Variants in ATG2B observed in about 807,000 individuals in gnomAD.
ATG2B encodes autophagy related 2B, also known as autophagy-related protein 2 homolog B.
A neutral mutation model predicts 241.3 loss-of-function variants in ATG2B; 121 were observed. The observed-to-expected ratio is 0.50, with a 90% CI of 0.43 to 0.58. The LOEUF is 0.58. ATG2B is among the 20% of genes least tolerant of loss of function. ATG2B has a pLI of 0.00. For missense variants in ATG2B, 2,306 were observed against 2,491.6 expected, an observed-to-expected ratio of 0.93 and a Z score of 1.59; for synonymous variants, 858 against 876.6, an observed-to-expected ratio of 0.98 and a Z score of 0.37.
chr14:96,301,044 G>C (rs1034917899), intron 34 of ATG2B, among the ~76,000 whole-genome samples: 3 of 152,142 alleles, frequency 2.0e-5, no homozygotes, highest in African/African-American at 4.8e-5. Flanking sequence ...TGTCAAGAAG[G>C]TTTTGTTATT....
At chr14:96,294,428 G>T (rs900624977) in intron 36 of ATG2B, among the ~76,000 whole-genome samples, 5 of 152,184 alleles carry the variant, frequency 3.3e-5, no homozygotes, top group African/African-American at 1.2e-4. Flanking sequence ...CGAGCTGGCC[G>T]AGCCGTTGGG....
At chr14:96,335,372 A>C (rs1277631576) in intron 6 of ATG2B, among the ~76,000 whole-genome samples, 1 of 152,194 alleles carries the variant, frequency 6.6e-6, no homozygotes, top group Non-Finnish European at 1.5e-5. Flanking sequence ...CAAAACAAAC[A>C]AAAAATCAAA....
intron 30 of ATG2B, 137 bp from the exon 31 acceptor site, chr14:96,305,952 G>A (rs370472282): frequency 3.9e-5 from 26 of 664,518 alleles, no homozygotes; most frequent in East Asian, 1.6e-4. Context: ...GATGGTTACC[G>A]ACATTAGTCA....
rs572957724 is a variant in ATG2B at position 96,337,549 on chromosome 14, A to C, written c.925-3048T>G. Reference sequence around the variant, plus strand: ...TGAAGGTTCCTCAGAAAACTAAAAAATATGTTTTTGTATGCTTTGTCAAAG... The same window carrying C: ...TGAAGGTTCCTCAGAAAACTAAAAACTATGTTTTTGTATGCTTTGTCAAAG... On this transcript the variant is annotated intron_variant, in intron 6 of 41. Coordinates refer to ENST00000359933, the MANE Select transcript of ATG2B (RefSeq NM_018036.7). Among the ~76,000 whole-genome samples the C allele has an allele frequency of 7.2e-5, 11 of 152,138 alleles. No individual in the cohort carries two copies. The East Asian group carries it at 1.5e-3, about 21-fold the overall frequency.
At chr14:96,296,768 A>G (rs1211808063) in intron 34 of ATG2B, among the ~76,000 whole-genome samples, 1 of 152,000 alleles carries the variant, frequency 6.6e-6, no homozygotes, top group Admixed American at 6.5e-5. Context: ...CTCAAAAAAA[A>G]AAAAAAAACC....
chr14:96,334,002 G>T, intron 7 of ATG2B, 129 bp from the exon 8 acceptor site: 1 of 752,102 alleles, frequency 1.3e-6, no homozygotes, highest in Non-Finnish European at 2.2e-6. Flanking sequence ...CTGCTATTTA[G>T]TGAGTCAGAG....
chr14:96,336,331 G>C (rs1887867668), intron 6 of ATG2B, among the ~76,000 whole-genome samples: 1 of 151,946 alleles, frequency 6.6e-6, no homozygotes, highest in African/African-American at 2.4e-5. Flanking sequence ...CTAAAATCCA[G>C]AACTTGTCTT....
At chr14:96,296,163 A>G (rs1488866470) in intron 34 of ATG2B, among the ~76,000 whole-genome samples, 1 of 152,186 alleles carries the variant, frequency 6.6e-6, no homozygotes. Flanking sequence ...CCATGTGGAC[A>G]CTTTTAAGTG....
intron 8 of ATG2B, 104 bp from the exon 9 acceptor site, chr14:96,332,759 G>T: frequency 1.1e-6 from 1 of 899,896 alleles, no homozygotes; most frequent in Non-Finnish European, 1.5e-6. Flanking sequence ...CAGATTATAT[G>T]AGATACAGCG....
In ATG2B at chr14:96,332,290, C is replaced by A. The variant is rs1320417452; in HGVS notation, c.1468+15G>T. On this transcript the variant is annotated intron_variant, in intron 10 of 41. Transcript: ENST00000359933. Reference sequence around the variant, plus strand: ...TCCAGCGGAAACTAACAACAAATGTCTTATTTTTACTTACATGTCTTCTGT... The same window carrying A: ...TCCAGCGGAAACTAACAACAAATGTATTATTTTTACTTACATGTCTTCTGT... 6.3e-7 allele frequency: 1 copy of A among 1,589,308 alleles called. No individual in the cohort carries two copies. The highest frequency in any genetic ancestry group is 1.7e-5 in the Admixed American group (1 of 59,588).
At chr14:96,299,652 CTCCATCA>C (rs933243707) in intron 34 of ATG2B, among the ~76,000 whole-genome samples, 3 of 152,164 alleles carry the variant, frequency 2.0e-5, no homozygotes, top group Non-Finnish European at 2.9e-5. Context: ...GCTGTATGAC[CTCCATCA>C]TCCACTTATC....
Position 96,345,216 on chromosome 14 carries a change from T to C in ATG2B, c.478+17A>G. 6.3e-7 allele frequency: 1 copy of C among 1,596,134 alleles called. No homozygotes were observed. Among genetic ancestry groups the C allele is most frequent in the Non-Finnish European group, 8.5e-7 (1 of 1,173,760 alleles). On this transcript the variant is annotated intron_variant, in intron 3 of 41. Coordinates refer to ENST00000359933, the MANE Select transcript of ATG2B (RefSeq NM_018036.7). ...AAATCAAATCTAAATTTTTGAAAAT[T>C]CTCAGTAACACCAAACCTGTTTCAA...
At chr14:96,311,444 T>A in intron 27 of ATG2B, 98 bp downstream of exon 27, 3 of 1,237,600 alleles carry the variant, frequency 2.4e-6, no homozygotes, top group Non-Finnish European at 3.4e-6. Flanking sequence ...CTTACTCTAT[T>A]TCTGACCAAA....
chr14:96,330,352 G>A (rs976426100), intron 11 of ATG2B, among the ~76,000 whole-genome samples: 3 of 151,972 alleles, frequency 2.0e-5, no homozygotes, highest in Admixed American at 6.6e-5. Flanking sequence ...TTAAATAAAC[G>A]CCCAAAGTAT....
chr14:96,318,576 A>G (rs1887377475), intron 18 of ATG2B, among the ~76,000 whole-genome samples: 1 of 152,220 alleles, frequency 6.6e-6, no homozygotes, highest in African/African-American at 2.4e-5. Context: ...TCATGAGATG[A>G]AGAATGCATA....
chr14:96,315,682 T>C, intron 21 of ATG2B, 99 bp from the exon 22 acceptor site: 1 of 847,564 alleles, frequency 1.2e-6, no homozygotes, highest in Non-Finnish European at 1.9e-6. Context: ...GTACTTCCAC[T>C]GAATATAACT....
chr14:96,348,474 G>A (rs1595333270), intron 1 of ATG2B, among the ~76,000 whole-genome samples: 2 of 152,112 alleles, frequency 1.3e-5, no homozygotes, highest in East Asian at 3.9e-4. Flanking sequence ...CTCGAGGTCA[G>A]CAGTTCGAGA....
At chr14:96,325,134 G>T (rs1279656315) in intron 15 of ATG2B, among the ~76,000 whole-genome samples, 2 of 152,204 alleles carry the variant, frequency 1.3e-5, no homozygotes, top group African/African-American at 4.8e-5. Context: ...AAGCTCCACT[G>T]TCAGACTTGG....
At chr14:96,315,274 G>A (rs1324670205) in intron 22 of ATG2B, 40 bp from the exon 23 acceptor site, 6 of 1,589,340 alleles carry the variant, frequency 3.8e-6, no homozygotes, top group Non-Finnish European at 5.2e-6. Flanking sequence ...TACCACCTAT[G>A]TAATCCTATA....
Sources: allele counts gnomAD v4.1 joint callset (sites outside exome capture counted in the v4.1 genomes callset), GRCh38; gene constraint gnomAD v4.1.1; transcripts MANE v1.5; gene names NCBI Gene and HGNC (gene_info 2026-07-23, HGNC 2026-07-21).